PRIM2: variants seen among roughly 807,000 people sequenced by gnomAD.
The protein encoded by PRIM2 is DNA primase subunit 2, also known as DNA primase large subunit.
In PRIM2, 39 loss-of-function variants were observed where a neutral mutation model predicts 67.3. The ratio of observed to expected loss-of-function variants is 0.58; its 90% CI spans 0.45 to 0.76. The LOEUF (loss-of-function observed/expected upper bound fraction) is 0.76. Among genes scored for constraint, PRIM2 ranks in the 30% least tolerant of loss-of-function variants. The pLI, the probability that PRIM2 is intolerant of heterozygous loss-of-function variation, is 0.00. For synonymous variants in PRIM2, 143 were observed against 198.7 expected, an observed-to-expected ratio of 0.72 and a Z score of 2.36; for missense variants, 398 against 598.7, an observed-to-expected ratio of 0.66 and a Z score of 3.50.
intron 11 of PRIM2, among the ~76,000 whole-genome samples, chr6:57,604,702 A>T (rs1411883732): frequency 8.1e-4 from 117 of 143,738 alleles, no homozygotes; most frequent in South Asian, 8.9e-4. Context: ...TTTTTTTTTT[A>T]AATTTTGAGA....
intron 11 of PRIM2, 73 bp downstream of exon 11, chr6:57,601,292 T>A (rs1165368437): frequency 6.9e-7 from 1 of 1,444,492 alleles, no homozygotes; most frequent in Non-Finnish European, 9.2e-7. Flanking sequence ...TGAAACAATG[T>A]TGTGGCTTTT....
At chr6:57,296,505 T>G in the PRIM2 span, among the ~76,000 whole-genome samples, 1 of 152,020 alleles carries the variant, frequency 6.6e-6, no homozygotes, top group South Asian at 2.1e-4. Flanking sequence ...AGCTATTAAT[T>G]TGAACTACAA....
intron 10 of PRIM2, among the ~76,000 whole-genome samples, chr6:57,591,000 G>C (rs2127488421): frequency 6.6e-6 from 1 of 152,298 alleles, no homozygotes; most frequent in African/African-American, 2.4e-5. Flanking sequence ...TCAACCATTA[G>C]TATTTACTGC....
At chr6:57,524,047 C>T (rs1180430217) in intron 8 of PRIM2, among the ~76,000 whole-genome samples, 1 of 151,908 alleles carries the variant, frequency 6.6e-6, no homozygotes, top group East Asian at 1.9e-4. Flanking sequence ...GGGGGAAACT[C>T]TAGTTTAGTG....
At chr6:57,254,037 C>A in the PRIM2 span, among the ~76,000 whole-genome samples, 2 of 152,200 alleles carry the variant, frequency 1.3e-5, no homozygotes, top group Non-Finnish European at 2.9e-5. Context: ...AATTGTCCAA[C>A]TTTAGTGAAC....
chr6:57,348,803 A>C, intron 5 of PRIM2, among the ~76,000 whole-genome samples: 1 of 138,858 alleles, frequency 7.2e-6, no homozygotes, highest in East Asian at 2.1e-4. Flanking sequence ...GCTGAAGTGC[A>C]GTGGCGCGAT....
At chr6:57,490,596 CA>C (rs1773866737) in intron 7 of PRIM2, among the ~76,000 whole-genome samples, 1 of 151,972 alleles carries the variant, frequency 6.6e-6, no homozygotes, top group Admixed American at 6.6e-5. Flanking sequence ...GCAGTGTTAA[CA>C]AACAAGAAGT....
At chr6:57,597,169 C>T (rs1776381511) in intron 10 of PRIM2, among the ~76,000 whole-genome samples, 2 of 152,122 alleles carry the variant, frequency 1.3e-5, no homozygotes, top group Non-Finnish European at 2.9e-5. Flanking sequence ...TCCATTGCAA[C>T]AAGAAAGGTA....
chr6:57,451,888 C>T (rs572375751), intron 7 of PRIM2, among the ~76,000 whole-genome samples: 5 of 150,960 alleles, frequency 3.3e-5, no homozygotes, highest in South Asian at 2.1e-4. Context: ...CCCAGTAACT[C>T]GTCATTTAAC....
chr6:57,611,615 C>A (rs1352076269), intron 12 of PRIM2, among the ~76,000 whole-genome samples: 1 of 152,050 alleles, frequency 6.6e-6, no homozygotes, highest in Non-Finnish European at 1.5e-5. Context: ...TAGACATATA[C>A]CTCCAAGCTT....
intron 13 of PRIM2, among the ~76,000 whole-genome samples, chr6:57,633,317 T>A (rs1777065069): frequency 1.3e-5 from 2 of 152,236 alleles, no homozygotes; most frequent in Non-Finnish European, 2.9e-5. Context: ...TGTCTCTAAG[T>A]ACATATGTGT....
chr6:57,607,708 T>TA (rs1379803881), intron 12 of PRIM2, among the ~76,000 whole-genome samples: 6 of 152,178 alleles, frequency 3.9e-5, no homozygotes, highest in African/African-American at 1.4e-4. Context: ...AATCTAGAAA[T>TA]AAAGAATTAG....
At chr6:57,607,395 CAT>C (rs1776584105) in intron 12 of PRIM2, among the ~76,000 whole-genome samples, 1 of 152,038 alleles carries the variant, frequency 6.6e-6, no homozygotes, top group Non-Finnish European at 1.5e-5. Flanking sequence ...AACCAAGTGT[CAT>C]GAGAGGTACA....
intron 13 of PRIM2, among the ~76,000 whole-genome samples, chr6:57,639,913 C>T: frequency 6.6e-6 from 1 of 151,902 alleles, no homozygotes; most frequent in East Asian, 1.9e-4. Flanking sequence ...ATTCTGAAAC[C>T]TGGCAGAGAC....
intron 7 of PRIM2, among the ~76,000 whole-genome samples, chr6:57,444,530 G>A (rs1193399009): frequency 6.7e-6 from 1 of 150,236 alleles, no homozygotes; most frequent in Non-Finnish European, 1.5e-5. Context: ...TCGTACCACT[G>A]CATTCCAGCC....
At chr6:57,331,289 T>C (rs1195453131) in intron 5 of PRIM2, among the ~76,000 whole-genome samples, 1 of 152,198 alleles carries the variant, frequency 6.6e-6, no homozygotes, top group Non-Finnish European at 1.5e-5. Flanking sequence ...TTATATAATC[T>C]TTTAATATGC....
intron 12 of PRIM2, among the ~76,000 whole-genome samples, chr6:57,607,043 G>A (rs1776576478): frequency 6.6e-6 from 1 of 152,152 alleles, no homozygotes; most frequent in South Asian, 2.1e-4. Flanking sequence ...TTAATATTGT[G>A]ACATAGCAAA....
chr6:57,306,501 C>A, the PRIM2 span, among the ~76,000 whole-genome samples: 1 of 152,112 alleles, frequency 6.6e-6, no homozygotes, highest in Non-Finnish European at 1.5e-5. Flanking sequence ...ATCCTGGCAC[C>A]AGAGAGATTC....
the PRIM2 span, among the ~76,000 whole-genome samples, chr6:57,279,166 A>G: frequency 1.3e-5 from 2 of 152,204 alleles, no homozygotes; most frequent in Non-Finnish European, 2.9e-5. Context: ...TGGCTTCTAA[A>G]ATCATGTTTC....
Sources: allele counts gnomAD v4.1 joint callset (sites outside exome capture counted in the v4.1 genomes callset), GRCh38; gene constraint gnomAD v4.1.1; transcripts MANE v1.5; gene names NCBI Gene and HGNC (gene_info 2026-07-23, HGNC 2026-07-21).